KLHL1: variants seen among roughly 807,000 people sequenced by gnomAD.
KLHL1 encodes kelch like family member 1, also known as kelch-like protein 1.
In KLHL1, 47 loss-of-function variants were observed where a neutral mutation model predicts 77.7. The observed-to-expected ratio is 0.60, with a 90% CI of 0.48 to 0.77. The LOEUF (loss-of-function observed/expected upper bound fraction) is 0.77. KLHL1 is among the 30% of genes least tolerant of loss of function. KLHL1 has a pLI of 0.00. For missense variants in KLHL1, 925 were observed against 910.8 expected (o/e 1.02, Z -0.20); for synonymous variants, 360 against 325.2 (o/e 1.11, Z -1.15).
intron 8 of KLHL1, among the ~76,000 whole-genome samples, chr13:69,739,167 A>G (rs1220413024): frequency 6.6e-6 from 1 of 152,192 alleles, no homozygotes; most frequent in Non-Finnish European, 1.5e-5. Context: ...TCATAAGTGA[A>G]GGAGAAATAA....
chr13:70,070,384 A>G (rs972295189), intron 1 of KLHL1, among the ~76,000 whole-genome samples: 1 of 152,050 alleles, frequency 6.6e-6, no homozygotes, highest in Non-Finnish European at 1.5e-5. Flanking sequence ...TATCTATAGA[A>G]GAACAAAGAT....
chr13:69,744,364 C>T (rs910254878), intron 7 of KLHL1, among the ~76,000 whole-genome samples: 16 of 152,010 alleles, frequency 1.1e-4, no homozygotes, highest in African/African-American at 3.9e-4. Flanking sequence ...ATAGGTTCTG[C>T]ACATGGTTTA....
At chr13:69,780,666 A>T (rs1209596221) in intron 7 of KLHL1, among the ~76,000 whole-genome samples, 5 of 127,822 alleles carry the variant, frequency 3.9e-5, no homozygotes, top group East Asian at 2.2e-4. Flanking sequence ...GATAAATTTC[A>T]CTCTGAATTC....
intron 1 of KLHL1, among the ~76,000 whole-genome samples, chr13:69,985,775 CAT>C (rs59958813): frequency 0.2 from 27,856 of 140,382 alleles, 4,156 homozygotes; most frequent in African/African-American, 0.43. Flanking sequence ...AAATGTGATC[CAT>C]ATATATATAT....
intron 10 of KLHL1, among the ~76,000 whole-genome samples, chr13:69,703,162 C>T (rs546981841): frequency 6.6e-6 from 1 of 151,664 alleles, no homozygotes; most frequent in South Asian, 2.1e-4. Context: ...CATGGATGAA[C>T]CACATATACA....
intron 7 of KLHL1, among the ~76,000 whole-genome samples, chr13:69,763,795 T>C (rs1451867479): frequency 6.6e-6 from 1 of 152,112 alleles, no homozygotes; most frequent in East Asian, 1.9e-4. Context: ...TGCTTTGGAG[T>C]CAAACAGAAA....
At chr13:69,755,682 G>A (rs1874692590) in intron 7 of KLHL1, among the ~76,000 whole-genome samples, 1 of 151,642 alleles carries the variant, frequency 6.6e-6, no homozygotes, top group Admixed American at 6.6e-5. Context: ...AGTTAATTAC[G>A]TAATGCATTT....
rs544522818 is a variant in KLHL1, at chr13:69,981,788, A to C, written c.498-5986T>G. ...AAAATTCAAAGTTCAAAAAGTGCCC[A>C]AAATAAAAAAAAATCTAAAAAAATT... On this transcript the variant is annotated intron_variant, in intron 1 of 10. Transcript: ENST00000377844. 6.5e-3 allele frequency among the ~76,000 whole-genome samples: 990 copies of C among 151,440 alleles called. 9 individuals are homozygous for C. The highest frequency in any genetic ancestry group is 0.023 in the African/African-American group (924 of 40,962).
intron 1 of KLHL1, among the ~76,000 whole-genome samples, chr13:69,999,843 C>T (rs1042787047): frequency 5.9e-5 from 9 of 152,074 alleles, no homozygotes; most frequent in African/African-American, 2.2e-4. Context: ...TAACCCAGGT[C>T]ACTGACCAGA....
In KLHL1 at chr13:69,726,349, G is replaced by A. The variant is rs377401015; in HGVS notation, c.1803-6768C>T. 8.6e-5 allele frequency among the ~76,000 whole-genome samples: 13 copies of A among 151,782 alleles called. No homozygotes were observed. In the East Asian group the frequency reaches 1.4e-3, roughly 16 times the overall value. On this transcript the variant is annotated intron_variant, in intron 8 of 10. Coordinates refer to ENST00000377844, the MANE Select transcript of KLHL1 (RefSeq NM_020866.3). ...CTTGGTTCTTTGTTTTCTAATTAAC[G>A]AAGAGCTCTTTCATCTGATGCCATG... is the stretch of plus-strand genomic sequence containing the variant.
intron 1 of KLHL1, among the ~76,000 whole-genome samples, chr13:69,995,184 A>G (rs1885120997): frequency 6.6e-6 from 1 of 151,866 alleles, no homozygotes; most frequent in African/African-American, 2.4e-5. Flanking sequence ...GAGACCATAT[A>G]CCCCACACTC....
chr13:69,876,999 T>C (rs1482998479), intron 5 of KLHL1, among the ~76,000 whole-genome samples: 1 of 151,924 alleles, frequency 6.6e-6, no homozygotes, highest in Non-Finnish European at 1.5e-5. Flanking sequence ...ACTGTGCCAC[T>C]GCACTCCAGC....
intron 1 of KLHL1, among the ~76,000 whole-genome samples, chr13:70,081,438 A>C (rs1887387994): frequency 6.6e-6 from 1 of 152,118 alleles, no homozygotes; most frequent in African/African-American, 2.4e-5. Flanking sequence ...ATACTTAGTA[A>C]CTTATTCCAG....
chr13:69,732,438 T>C (rs1177949761), intron 8 of KLHL1, among the ~76,000 whole-genome samples: 1 of 152,046 alleles, frequency 6.6e-6, no homozygotes, highest in Non-Finnish European at 1.5e-5. Flanking sequence ...TCCAGAAACA[T>C]TTTGATTTTT....
intron 7 of KLHL1, among the ~76,000 whole-genome samples, chr13:69,746,751 C>T (rs946287339): frequency 6.6e-6 from 1 of 151,848 alleles, no homozygotes; most frequent in Admixed American, 6.6e-5. Flanking sequence ...CAGATTATCA[C>T]ATAAGGCTCA....
chr13:69,777,666 CT>C (rs1196284928), intron 7 of KLHL1, among the ~76,000 whole-genome samples: 1 of 152,088 alleles, frequency 6.6e-6, no homozygotes, highest in Admixed American at 6.6e-5. Context: ...ATTTGCCTAA[CT>C]ATTCTTCACA....
At chr13:69,857,693 T>C (rs1041525802) in intron 5 of KLHL1, among the ~76,000 whole-genome samples, 3 of 152,026 alleles carry the variant, frequency 2.0e-5, no homozygotes, top group African/African-American at 7.2e-5. Context: ...TATTTCAGGG[T>C]TAAATTTAAG....
intron 5 of KLHL1, among the ~76,000 whole-genome samples, chr13:69,842,426 C>T (rs1879302614): frequency 6.6e-6 from 1 of 151,722 alleles, no homozygotes; most frequent in Non-Finnish European, 1.5e-5. Flanking sequence ...AATGGCCCAA[C>T]AGGTATATGC....
rs1190788324 is a variant in KLHL1, at chr13:69,967,972, A to G, written c.681-6528T>C. ...AGGGTTGAAGAGAAAATTGATTCCA[A>G]TTTTGAAAGAAGTTATACCGTGGGT... On this transcript the variant is annotated intron_variant, in intron 2 of 10. Coordinates refer to ENST00000377844, the MANE Select transcript of KLHL1 (RefSeq NM_020866.3). Among the ~76,000 whole-genome samples, 8 of 152,264 alleles carry G rather than the reference A, an allele frequency of 5.3e-5. No homozygotes were observed. In the East Asian group the frequency reaches 1.4e-3, roughly 26 times the overall value.
Sources: allele counts gnomAD v4.1 joint callset (sites outside exome capture counted in the v4.1 genomes callset), GRCh38; gene constraint gnomAD v4.1.1; transcripts MANE v1.5; gene names NCBI Gene and HGNC (gene_info 2026-07-23, HGNC 2026-07-21).